Variants in PLD1 observed in about 807,000 individuals in gnomAD.
PLD1 encodes the protein choline phosphatase 1.
PLD1 carries 112 observed loss-of-function variants against 137.1 expected under a neutral mutation model. The ratio of observed to expected loss-of-function variants is 0.82; its 90% CI spans 0.70 to 0.96. The LOEUF is 0.96. PLD1 is among the 40% of genes least tolerant of loss of function. PLD1 has a pLI of 0.00. For missense variants in PLD1, 1,321 were observed against 1,342.0 expected (o/e 0.98, Z 0.24); for synonymous variants, 431 against 454.7 (o/e 0.95, Z 0.66).
intron 19 of PLD1, among the ~76,000 whole-genome samples, 157 bp downstream of exon 19, chr3:171,674,343 T>C (rs1456608777): frequency 6.6e-6 from 1 of 152,244 alleles, no homozygotes; most frequent in Non-Finnish European, 1.5e-5. Context: ...CCATTTAACA[T>C]AGGAAATATA....
chr3:171,641,606 T>C (rs1735747027), intron 23 of PLD1, among the ~76,000 whole-genome samples: 1 of 152,168 alleles, frequency 6.6e-6, no homozygotes, highest in African/African-American at 2.4e-5. Context: ...GATGAGTCCT[T>C]CTGCCTTTTC....
At chr3:171,667,168 TTA>T (rs1397196780) in intron 19 of PLD1, among the ~76,000 whole-genome samples, 1 of 152,194 alleles carries the variant, frequency 6.6e-6, no homozygotes, top group Non-Finnish European at 1.5e-5. Context: ...AAAGCACTTT[TTA>T]TATGTTTCAC....
At chr3:171,703,932 A>G (rs945639211) in intron 11 of PLD1, among the ~76,000 whole-genome samples, 1 of 152,186 alleles carries the variant, frequency 6.6e-6, no homozygotes, top group Non-Finnish European at 1.5e-5. Context: ...GGAGATGTAA[A>G]TACACCTGGC....
At chr3:171,663,062 T>C (rs183450407) in intron 19 of PLD1, among the ~76,000 whole-genome samples, 1 of 152,330 alleles carries the variant, frequency 6.6e-6, no homozygotes, top group Admixed American at 6.5e-5. Flanking sequence ...GCTCCTGACT[T>C]TTTTCTCTAA....
Position 171,612,163 on chromosome 3 carries a change from ACT to A in PLD1, c.2882+114_2882+115del. 2 of 839,420 alleles carry A rather than the reference ACT, an allele frequency of 2.4e-6. No homozygotes were observed. The highest frequency in any genetic ancestry group is 1.9e-6 in the Non-Finnish European group (1 of 522,158). 52.0% of individuals were successfully genotyped at this position (839,420 alleles called of 1,614,324 possible). A position where few individuals can be genotyped will look rare whatever the true frequency, so the allele number is the denominator to read the frequency against. Reference sequence around the variant, plus strand: ...GTACATATCCTATATTCTGGGACACACTGTTTTAGATGAAGAAGAACCTAGGA... The same window carrying A: ...GTACATATCCTATATTCTGGGACACAGTTTTAGATGAAGAAGAACCTAGGA... On this transcript the variant is annotated intron_variant, in intron 25 of 26. Coordinates refer to ENST00000351298, the MANE Select transcript of PLD1 (RefSeq NM_002662.5). This position sits in a 1 kb window ranked among gnomAD's most constrained non-coding sequence, Gnocchi z 4.1.
At position 171,611,121 on chromosome 3, in the gene PLD1, G is replaced by A. The variant is rs562109057; in HGVS notation, c.2882+1158C>T. On this transcript the variant is annotated intron_variant, in intron 25 of 26. Coordinates refer to ENST00000351298, the MANE Select transcript of PLD1 (RefSeq NM_002662.5). ...AGTGCCCTTCCCGAAAGGGCATAAC[G>A]CACTGATCTTAACTATATCGGGGCC... Among the ~76,000 whole-genome samples, 4 of 152,286 alleles carry A rather than the reference G, an allele frequency of 2.6e-5. No individual in the cohort carries two copies. The East Asian group carries it at 5.8e-4, about 22-fold the overall frequency.
In PLD1 at chr3:171,737,528, T is replaced by A. The variant is rs1362285642; in HGVS notation, c.288+4A>T. ...AAAAAGGGTGAGTCCATAAACGCTC[T>A]GACCCTTGTTGTAGATGTGAAGCGT... On this transcript the variant is annotated splice_donor_region_variant and intron_variant, in intron 3 of 26. Coordinates refer to ENST00000351298, the MANE Select transcript of PLD1 (RefSeq NM_002662.5). The A allele has an allele frequency of 1.3e-5, 21 of 1,603,150 alleles. No homozygotes were observed. In the Admixed American group the frequency reaches 3.7e-4, roughly 28 times the overall value.
At chr3:171,782,813 A>C in intron 1 of PLD1, among the ~76,000 whole-genome samples, 1 of 152,192 alleles carries the variant, frequency 6.6e-6, no homozygotes, top group African/African-American at 2.4e-5. Context: ...GTATTTGTAA[A>C]GAAGGAAGAC....
chr3:171,612,267 T>C lies in PLD1; in HGVS notation c.2882+12A>G. The stretch of plus-strand genomic sequence containing the variant: ...GGAAATGCATCAGAGAGACACACTT[T>C]GGCGGACTGACCTAAAGCACTGTAG... On this transcript the variant is annotated intron_variant, in intron 25 of 26. Coordinates refer to ENST00000351298, the MANE Select transcript of PLD1 (RefSeq NM_002662.5). This position sits in a 1 kb window ranked among gnomAD's most constrained non-coding sequence, Gnocchi z 4.1. The C allele has an allele frequency of 6.2e-7, 1 of 1,613,160 alleles. No homozygotes were observed. Among genetic ancestry groups the C allele is most frequent in the South Asian group, 1.1e-5 (1 of 91,002 alleles).
chr3:171,659,356 G>C, intron 20 of PLD1, 55 bp from the exon 21 acceptor site: 2 of 1,081,464 alleles, frequency 1.8e-6, no homozygotes, highest in Non-Finnish European at 2.9e-6. Context: ...AGCAATATAC[G>C]TAAGAACAAT....
chr3:171,675,812 A>C (rs1008649722), intron 18 of PLD1, among the ~76,000 whole-genome samples: 1 of 152,034 alleles, frequency 6.6e-6, no homozygotes, highest in Non-Finnish European at 1.5e-5. Flanking sequence ...CAAGTAAATA[A>C]AGTGAAACTT....
At chr3:171,633,485 C>T (rs555737524) in intron 23 of PLD1, among the ~76,000 whole-genome samples, 2 of 151,994 alleles carry the variant, frequency 1.3e-5, no homozygotes, top group Admixed American at 1.3e-4. Context: ...GGGCCTGTTG[C>T]GGGGATGGGA....
rs1189752427 is a variant in PLD1 at position 171,687,451 on chromosome 3, G to A, written c.1673C>T (p.Ser558Phe). 1 of 1,614,142 alleles carries A rather than the reference G, an allele frequency of 6.2e-7. No homozygotes were observed. The highest frequency in any genetic ancestry group is 1.1e-5 in the South Asian group (1 of 91,082). Residue 558 changes from serine (S) to phenylalanine (F), a missense_variant, in exon 15 of 27, where the codon TCC (serine) becomes TTC (phenylalanine). By Grantham distance (155) the Ser-to-Phe change is radical. Coordinates refer to ENST00000351298, the MANE Select transcript of PLD1 (RefSeq NM_002662.5). ...LKGIGKPRKFSKFSLYKQLHR... is the reference protein window; with the variant it reads ...LKGIGKPRKFFKFSLYKQLHR... The stretch of plus-strand genomic sequence containing the variant: ...GAGCTGCTTGTAGAGACTAAATTTG[G>A]AGAACTTTCTTGGCTTTCCTATTCC...
chr3:171,747,036 G>C (rs1242803776), intron 1 of PLD1, among the ~76,000 whole-genome samples: 1 of 151,950 alleles, frequency 6.6e-6, no homozygotes, highest in African/African-American at 2.4e-5. Flanking sequence ...CCGGAGAAAT[G>C]AACAACTCCA....
At chr3:171,730,646 C>CTTTTTTTTTTTTTT (rs35101789) in intron 6 of PLD1, among the ~76,000 whole-genome samples, 4 of 134,990 alleles carry the variant, frequency 3.0e-5, no homozygotes, top group Non-Finnish European at 3.1e-5. Flanking sequence ...TCTATCTCCA[C>CTTTTTTTTTTTTTT]TTTTTTTTTT....
intron 1 of PLD1, among the ~76,000 whole-genome samples, chr3:171,804,182 A>G (rs571154828): frequency 1.7e-4 from 26 of 152,288 alleles, no homozygotes; most frequent in African/African-American, 5.3e-4. Flanking sequence ...GCTCCAAGTC[A>G]TAAATCTCCA....
At chr3:171,727,842 A>C (rs956068762) in intron 6 of PLD1, among the ~76,000 whole-genome samples, 3 of 152,186 alleles carry the variant, frequency 2.0e-5, no homozygotes, top group Non-Finnish European at 2.9e-5. Flanking sequence ...AAAAATTACA[A>C]ATATCTCAAG....
chr3:171,703,426 T>C (rs1716411787), intron 11 of PLD1, among the ~76,000 whole-genome samples: 1 of 152,224 alleles, frequency 6.6e-6, no homozygotes, highest in Non-Finnish European at 1.5e-5. Context: ...TAATCATCTA[T>C]AGGACAACCC....
intron 11 of PLD1, among the ~76,000 whole-genome samples, chr3:171,706,071 A>G (rs973476995): frequency 7.2e-5 from 11 of 152,154 alleles, no homozygotes; most frequent in Admixed American, 2.6e-4. Flanking sequence ...CTTTTGGACC[A>G]TAAGCTGCAG....
Sources: allele counts gnomAD v4.1 joint callset (sites outside exome capture counted in the v4.1 genomes callset), GRCh38; gene constraint gnomAD v4.1.1; non-coding constraint Gnocchi (gnomAD v3.1); transcripts MANE v1.5; gene names NCBI Gene and HGNC (gene_info 2026-07-23, HGNC 2026-07-21).